Variants in IGFN1 observed in about 807,000 individuals in gnomAD.
IGFN1 encodes immunoglobulin like and fibronectin type III domain containing 1, also known as immunoglobulin-like and fibronectin type III domain-containing protein 1.
Under a neutral mutation model 289.5 loss-of-function variants are expected in IGFN1, and 253 were observed. The observed-to-expected ratio is 0.87, with a 90% CI of 0.79 to 0.97. The LOEUF (loss-of-function observed/expected upper bound fraction) is 0.97. Among genes scored for constraint, IGFN1 ranks in the 50% least tolerant of loss-of-function variants. The probability of loss-of-function intolerance (pLI) is 0.00; values close to 1 mark genes in which losing one functional copy is unlikely to be tolerated. For synonymous variants in IGFN1, 1,706 were observed against 1,788.5 expected (o/e 0.95, Z 1.16); for missense variants, 4,470 against 4,686.1 (o/e 0.95, Z 1.35).
At position 201,213,192 on chromosome 1, in the gene IGFN1, G is replaced by A. The variant is rs1174582927; in HGVS notation, c.8299G>A (p.Gly2767Arg). The change falls in exon 12 of 24, where the codon GGA becomes AGA. Residue 2767 changes from glycine to arginine, a missense_variant. By Grantham distance (125) the Gly-to-Arg change is moderately radical. Coordinates refer to ENST00000335211, the MANE Select transcript of IGFN1 (RefSeq NM_001164586.2). ...GGACCTGAGCTCTCAGCGAGGCAAG[G>A]GACAGAGAGGAGGAAAGAGGTCCCT... ...TQDLSSQRGK[G>R]QRGGKRSLGE... 1 of 1,551,676 alleles carries A rather than the reference G, an allele frequency of 6.4e-7. No homozygotes were observed. The highest frequency in any genetic ancestry group is 2.0e-5 in the Admixed American group (1 of 51,012).
At chr1:201,227,268 C>A in intron 23 of IGFN1, 60 bp downstream of exon 23, 1 of 1,401,006 alleles carries the variant, frequency 7.1e-7, no homozygotes, top group Non-Finnish European at 9.7e-7. Context: ...AACCACCTGC[C>A]TGTCAGGGAG....
intron 5 of IGFN1, among the ~76,000 whole-genome samples, chr1:201,198,799 A>AC (rs1667023702): frequency 6.6e-6 from 1 of 152,248 alleles, no homozygotes; most frequent in Non-Finnish European, 1.5e-5. Context: ...GGACAGTGTC[A>AC]CATGAGCACT....
chr1:201,212,182 C>A lies in IGFN1; in HGVS notation c.7289C>A (p.Pro2430Gln). 1 of 1,535,484 alleles carries A rather than the reference C, an allele frequency of 6.5e-7. No homozygotes were observed. Among genetic ancestry groups the A allele is most frequent in the South Asian group, 1.2e-5 (1 of 83,892 alleles). The change falls in exon 12 of 24, where the codon CCA becomes CAA. Residue 2430 changes from proline (P) to glutamine (Q), a missense_variant. By Grantham distance (76) the Pro-to-Gln change is moderately conservative. This residue lies in a region of IGFN1 where 2,218 missense variants were observed against 2,114.1 expected (regional missense o/e 1.05). Transcript: ENST00000335211. The part of the protein sequence containing the change: ...PGVEPGMAGM[P>Q]GTAGGMAHRD... ...GTGGAACCTGGGATGGCTGGAATGCCAGGCACTGCAGGTGGCATGGCACAC... is the reference window on the plus strand; with the variant it reads ...GTGGAACCTGGGATGGCTGGAATGCAAGGCACTGCAGGTGGCATGGCACAC...
intron 4 of IGFN1, 127 bp downstream of exon 4, chr1:201,196,105 A>G: frequency 1.0e-6 from 1 of 971,144 alleles, no homozygotes; most frequent in Non-Finnish European, 1.5e-6. Context: ...GAATCCATTC[A>G]ACTCCATCTC....
Position 201,213,170 on chromosome 1 carries a change from C to G in IGFN1, c.8277C>G (p.Asp2759Glu). ...ASRDRSGGTQ[D>E]LSSQRGKGQR... ...GAGATAGGTCAGGAGGGACCCAGGACCTGAGCTCTCAGCGAGGCAAGGGAC... is the reference window on the plus strand; with the variant it reads ...GAGATAGGTCAGGAGGGACCCAGGAGCTGAGCTCTCAGCGAGGCAAGGGAC... Residue 2759 changes from aspartate (D) to glutamate (E), a missense_variant, in exon 12 of 24, where the codon GAC (aspartate) becomes GAG (glutamate). Physicochemically the swap from Asp to Glu is conservative, Grantham distance 45. Around this residue, in one of 8 missense-constraint regions of IGFN1, gnomAD observed 2,218 missense variants for 2,114.1 expected, o/e 1.05. Coordinates refer to ENST00000335211, the MANE Select transcript of IGFN1 (RefSeq NM_001164586.2). 1 of 1,551,654 alleles carries G rather than the reference C, an allele frequency of 6.4e-7. No individual in the cohort carries two copies. Among genetic ancestry groups the G allele is most frequent in the East Asian group, 2.4e-5 (1 of 40,916 alleles).
intron 6 of IGFN1, 21 bp downstream of exon 6, chr1:201,199,399 C>T (rs752092128): frequency 2.6e-6 from 4 of 1,550,968 alleles, no homozygotes; most frequent in African/African-American, 2.7e-5. Context: ...TTGTCAGAAA[C>T]CTCCTTGGGG....
intron 1 of IGFN1, among the ~76,000 whole-genome samples, chr1:201,192,624 G>A (rs767851427): frequency 3.9e-5 from 6 of 152,226 alleles, no homozygotes; most frequent in African/African-American, 1.2e-4. Context: ...AAGAGCTTAA[G>A]AGCAGCAAAT....
Position 201,199,596 on chromosome 1 carries a change from G to C in IGFN1, c.413-13G>C. 1 of 1,550,674 alleles carries C rather than the reference G, an allele frequency of 6.4e-7. No individual in the cohort carries two copies. The highest frequency in any genetic ancestry group is 1.2e-5 in the South Asian group (1 of 83,906). The stretch of plus-strand genomic sequence containing the variant: ...CACCTGGGACTGAGGCCTCATTCCT[G>C]CTCCTTTTTCAGACCTCAGGAAGGA... On this transcript the variant is annotated splice_polypyrimidine_tract_variant and intron_variant, in intron 6 of 23. Transcript: ENST00000335211.
chr1:201,220,772 T>C (rs1057285392), intron 18 of IGFN1, among the ~76,000 whole-genome samples: 1 of 152,238 alleles, frequency 6.6e-6, no homozygotes, highest in African/African-American at 2.4e-5. Flanking sequence ...TCATTGCATA[T>C]GTAGAAACAC....
At chr1:201,219,307 C>A (rs149991173) in intron 18 of IGFN1, among the ~76,000 whole-genome samples, 1 of 152,344 alleles carries the variant, frequency 6.6e-6, no homozygotes, top group African/African-American at 2.4e-5. Flanking sequence ...TAAATCAATC[C>A]TGGTCTCTGC....
In IGFN1 at chr1:201,216,527, G is replaced by T. The variant is rs754328785; in HGVS notation, c.9369G>T (p.Arg3123=). The T allele has an allele frequency of 1.2e-6, 2 of 1,611,070 alleles. No homozygotes were observed. Among genetic ancestry groups the T allele is most frequent in the Admixed American group, 3.3e-5 (2 of 59,896 alleles). Residue 3123 remains arginine (R), a synonymous_variant, in exon 16 of 24, where the codon CGG becomes CGT. Coordinates refer to ENST00000335211, the MANE Select transcript of IGFN1 (RefSeq NM_001164586.2). ...CHRAGVCLRW[R]PPRDNGGRTV... Reference sequence around the variant, plus strand: ...GGGCTGGCGTCTGCCTCCGCTGGCGGCCCCCAAGGGACAATGGGGGCCGGA... The same window carrying T: ...GGGCTGGCGTCTGCCTCCGCTGGCGTCCCCCAAGGGACAATGGGGGCCGGA...
chr1:201,209,058 G>C lies in IGFN1; in HGVS notation c.4165G>C (p.Gly1389Arg), dbSNP rs1450983920. 1 of 1,536,786 alleles carries C rather than the reference G, an allele frequency of 6.5e-7. No individual in the cohort carries two copies. The highest frequency in any genetic ancestry group is 8.7e-7 in the Non-Finnish European group (1 of 1,146,790). The part of the protein sequence containing the change: ...RKDLGVPEGM[G>R]AGYRAGLRGP... The stretch of plus-strand genomic sequence containing the variant: ...AGATTTGGGGGTTCCTGAGGGAATG[G>C]GTGCAGGTTACAGGGCTGGTTTAAG... Residue 1389 changes from glycine to arginine, a missense_variant, in exon 12 of 24, where the codon GGT becomes CGT. Transcript: ENST00000335211.
At chr1:201,199,914 C>T (rs1667073661) in intron 7 of IGFN1, among the ~76,000 whole-genome samples, 1 of 151,176 alleles carries the variant, frequency 6.6e-6, no homozygotes, top group African/African-American at 2.4e-5. Context: ...ATGTGGTGGT[C>T]CACCAGAACA....
chr1:201,220,747 A>T (rs937539131), intron 18 of IGFN1, among the ~76,000 whole-genome samples: 3 of 152,254 alleles, frequency 2.0e-5, no homozygotes, highest in Admixed American at 2.0e-4. Flanking sequence ...GCCCTAGCCC[A>T]GTGGTTTTCA....
intron 13 of IGFN1, 115 bp downstream of exon 13, chr1:201,214,416 T>C (rs905705379): frequency 1.8e-6 from 2 of 1,110,836 alleles, no homozygotes; most frequent in Non-Finnish European, 2.5e-6. Flanking sequence ...ATTTTGCTAA[T>C]GTATCCACCT....
At chr1:201,221,383 T>C in intron 18 of IGFN1, 61 bp from the exon 19 acceptor site, 1 of 1,284,468 alleles carries the variant, frequency 7.8e-7, no homozygotes, top group Non-Finnish European at 1.1e-6. Context: ...CTAATCAATA[T>C]CCACACTGAG....
chr1:201,194,191 C>T lies in IGFN1; in HGVS notation c.45C>T (p.Ile15=), dbSNP rs1010406643. ...AGTCCCACATCCCTGGAGTGAGCATCTGGCAGCTGGTGGAGGAGATCCCTG... is the reference window on the plus strand; with the variant it reads ...AGTCCCACATCCCTGGAGTGAGCATTTGGCAGCTGGTGGAGGAGATCCCTG... ...LRKSHIPGVS[I]WQLVEEIPEG... is the part of the protein sequence containing the mutation. Residue 15 remains isoleucine, a synonymous_variant, in exon 3 of 24, where the codon ATC becomes ATT. Transcript: ENST00000335211. 34 of 1,551,542 alleles carry T rather than the reference C, an allele frequency of 2.2e-5. No homozygotes were observed. The highest frequency in any genetic ancestry group is 2.9e-5 in the Non-Finnish European group (33 of 1,146,974).
Position 201,216,615 on chromosome 1 carries a change from G to A in IGFN1, c.9457G>A (p.Glu3153Lys), listed in dbSNP as rs114553039. 969 of 1,613,872 alleles carry A rather than the reference G, an allele frequency of 6.0e-4. 8 individuals are homozygous for A. The African/African-American group carries it at 0.012, about 19-fold the overall frequency. Residue 3153 changes from glutamate (E) to lysine (K), a missense_variant, in exon 16 of 24, where the codon GAG (glutamate) becomes AAG (lysine). By Grantham distance (56) the Glu-to-Lys change is moderately conservative (BLOSUM62 1). Coordinates refer to ENST00000335211, the MANE Select transcript of IGFN1 (RefSeq NM_001164586.2). ...CAGGAGCACTTGGCTGAAGGTGGGCGAGGCCCCCGCTGACAGCACCACCTT... is the reference window on the plus strand; with the variant it reads ...CAGGAGCACTTGGCTGAAGGTGGGCAAGGCCCCCGCTGACAGCACCACCTT... Reference protein sequence around the residue: ...AGRSTWLKVGEAPADSTTFTD... With the variant: ...AGRSTWLKVGKAPADSTTFTD...
chr1:201,208,818 G>A lies in IGFN1; in HGVS notation c.3925G>A (p.Gly1309Ser), dbSNP rs1039103266. 1.0e-5 allele frequency: 16 copies of A among 1,536,304 alleles called. No homozygotes were observed. In the Admixed American group the frequency reaches 1.2e-4, roughly 11 times the overall value. Reference protein sequence around the residue: ...GSGSKADYRDGVGGSGAMGSM... With the variant: ...GSGSKADYRDSVGGSGAMGSM... ...GGGGAGCAAGGCAGATTATAGGGAT[G>A]GTGTAGGGGGTTCTGGGGCAATGGG... Residue 1309 changes from glycine to serine, a missense_variant, in exon 12 of 24, where the codon GGT (glycine) becomes AGT (serine). Coordinates refer to ENST00000335211, the MANE Select transcript of IGFN1 (RefSeq NM_001164586.2).
Sources: allele counts gnomAD v4.1 joint callset (sites outside exome capture counted in the v4.1 genomes callset), GRCh38; gene constraint gnomAD v4.1.1; regional missense constraint gnomAD v4.1.1; transcripts MANE v1.5; gene names NCBI Gene and HGNC (gene_info 2026-07-23, HGNC 2026-07-21).